The following PDE1C variants were observed in gnomAD, a reference collection of about 807,000 sequenced individuals.
PDE1C encodes the protein dual specificity calcium/calmodulin-dependent 3',5'-cyclic nucleotide phosphodiesterase 1C.
PDE1C carries 62 observed loss-of-function variants against 93.1 expected under a neutral mutation model. The ratio of observed to expected loss-of-function variants is 0.67; its 90% CI spans 0.54 to 0.82. The LOEUF (loss-of-function observed/expected upper bound fraction) is 0.82. Ranked by LOEUF, PDE1C falls within the 40% of genes least tolerant of loss-of-function variation. PDE1C has a pLI of 0.00. For synonymous variants in PDE1C, 325 were observed against 310.1 expected, an observed-to-expected ratio of 1.05 and a Z score of -0.50; for missense variants, 742 against 884.6, an observed-to-expected ratio of 0.84 and a Z score of 2.04.
chr7:32,008,471 G>A (rs1448974849), intron 2 of PDE1C, among the ~76,000 whole-genome samples: 2 of 152,152 alleles, frequency 1.3e-5, no homozygotes, highest in Non-Finnish European at 2.9e-5. Flanking sequence ...TCGAGTACAA[G>A]TGCACCTGCC....
At chr7:31,624,268 C>A in the PDE1C span, among the ~76,000 whole-genome samples, 5 of 144,966 alleles carry the variant, frequency 3.4e-5, no homozygotes, top group African/African-American at 1.3e-4. Flanking sequence ...TTGGAAAAAA[C>A]TACTTTAAAG....
intron 1 of PDE1C, among the ~76,000 whole-genome samples, chr7:32,309,184 A>G (rs1362052402): frequency 6.6e-6 from 1 of 152,248 alleles, no homozygotes; most frequent in Non-Finnish European, 1.5e-5. Context: ...TGAAGCAAGA[A>G]GGGAAGTTTA....
chr7:31,979,916 G>A lies in PDE1C; in HGVS notation c.128+71638C>T, dbSNP rs576792663. Among the ~76,000 whole-genome samples, 3 of 152,304 alleles carry A rather than the reference G, an allele frequency of 2.0e-5. No individual in the cohort carries two copies. The South Asian group carries it at 6.2e-4, about 32-fold the overall frequency. Reference sequence around the variant, plus strand: ...AGTACCAACACTCTTCAGATCATGAGACCTCAAAATACTCATTTTATCCTG... The same window carrying A: ...AGTACCAACACTCTTCAGATCATGAAACCTCAAAATACTCATTTTATCCTG... On this transcript the variant is annotated intron_variant, in intron 2 of 17. Coordinates refer to ENST00000396191, the MANE Select transcript of PDE1C (RefSeq NM_001191057.4).
At chr7:32,313,454 G>A (rs540552185) in intron 1 of PDE1C, among the ~76,000 whole-genome samples, 78 of 151,964 alleles carry the variant, frequency 5.1e-4, no homozygotes, top group Non-Finnish European at 9.6e-4. Flanking sequence ...ACATGCACAC[G>A]TATGTTTATT....
chr7:32,088,281 C>CT (rs977306411), intron 3 of PDE1C, among the ~76,000 whole-genome samples: 2 of 152,100 alleles, frequency 1.3e-5, no homozygotes, highest in East Asian at 3.9e-4. Flanking sequence ...AGTGATTGGA[C>CT]TTTTTTTTAA....
At chr7:32,010,713 G>C (rs1786965254) in intron 2 of PDE1C, among the ~76,000 whole-genome samples, 1 of 152,194 alleles carries the variant, frequency 6.6e-6, no homozygotes, top group Admixed American at 6.5e-5. Flanking sequence ...CCTTCTGAGG[G>C]CAGTGAAGGA....
chr7:32,419,095 T>C (rs1259627602), intron 1 of PDE1C, among the ~76,000 whole-genome samples: 2 of 152,158 alleles, frequency 1.3e-5, no homozygotes, highest in Non-Finnish European at 2.9e-5. Flanking sequence ...AAATTAATAA[T>C]TGGTTAAAAT....
At chr7:32,231,689 T>C (rs1379769665) in intron 1 of PDE1C, among the ~76,000 whole-genome samples, 1 of 151,976 alleles carries the variant, frequency 6.6e-6, no homozygotes, top group Non-Finnish European at 1.5e-5. Context: ...GAAAGAAAAA[T>C]TGTAGATCAA....
chr7:32,291,611 G>A (rs1260879287), intron 1 of PDE1C, among the ~76,000 whole-genome samples: 1 of 152,240 alleles, frequency 6.6e-6, no homozygotes, highest in Non-Finnish European at 1.5e-5. Context: ...ACTGTACAAT[G>A]CTGTATACAC....
At chr7:32,312,735 C>A (rs1783077917) in intron 1 of PDE1C, among the ~76,000 whole-genome samples, 1 of 152,212 alleles carries the variant, frequency 6.6e-6, no homozygotes, top group Non-Finnish European at 1.5e-5. Context: ...CTTCCTTACA[C>A]CTTACACAAA....
chr7:32,098,225 GTC>G, intron 3 of PDE1C, among the ~76,000 whole-genome samples: 1 of 17,796 alleles, frequency 5.6e-5, no homozygotes. Flanking sequence ...GCGAGACTCC[GTC>G]TCAAAAAAAA....
chr7:31,737,381 CTG>C, the PDE1C span, among the ~76,000 whole-genome samples: 2 of 152,188 alleles, frequency 1.3e-5, no homozygotes, highest in Non-Finnish European at 2.9e-5. Context: ...TACAATAAAA[CTG>C]TTTCTTTTGA....
At chr7:32,139,969 T>C (rs976666376) in intron 3 of PDE1C, among the ~76,000 whole-genome samples, 1 of 152,130 alleles carries the variant, frequency 6.6e-6, no homozygotes, top group Non-Finnish European at 1.5e-5. Flanking sequence ...AACCTGGGCA[T>C]TGGATGACAA....
chr7:31,987,813 C>T lies in PDE1C; in HGVS notation c.128+63741G>A, dbSNP rs554499146. On this transcript the variant is annotated intron_variant, in intron 2 of 17. Coordinates refer to ENST00000396191, the MANE Select transcript of PDE1C (RefSeq NM_001191057.4). ...CTGTCTTTTGCTGAATTCTCTGGTG[C>T]GGAAAACTGTAATGAACTTTCAGTA... 9.2e-5 allele frequency among the ~76,000 whole-genome samples: 14 copies of T among 152,132 alleles called. 1 individual carries two copies. Among genetic ancestry groups the T allele is most frequent in the Middle Eastern group, 6.3e-3 (2 of 316 alleles).
chr7:31,920,488 G>A (rs56318816), intron 2 of PDE1C, among the ~76,000 whole-genome samples: 54,019 of 151,562 alleles, frequency 0.36, 10,727 homozygotes, highest in Non-Finnish European at 0.44. Context: ...GAACTCTCCT[G>A]AGATAGTAAA....
intron 2 of PDE1C, among the ~76,000 whole-genome samples, chr7:31,965,098 G>A (rs2129039109): frequency 6.6e-6 from 1 of 152,326 alleles, no homozygotes; most frequent in South Asian, 2.1e-4. Flanking sequence ...ACGGAACAAT[G>A]CTGGACGGAG....
intron 6 of PDE1C, among the ~76,000 whole-genome samples, chr7:31,869,514 A>G (rs1377185953): frequency 1.3e-5 from 2 of 152,096 alleles, no homozygotes; most frequent in Non-Finnish European, 2.9e-5. Flanking sequence ...AAAATGGTAA[A>G]AAGAGACAAA....
At chr7:31,939,737 G>T (rs1584086119) in intron 2 of PDE1C, among the ~76,000 whole-genome samples, 3 of 152,110 alleles carry the variant, frequency 2.0e-5, no homozygotes, top group Non-Finnish European at 4.4e-5. Flanking sequence ...AATGAATTAT[G>T]ATAGAAACTG....
intron 1 of PDE1C, among the ~76,000 whole-genome samples, chr7:32,316,257 T>G (rs1212312344): frequency 6.6e-6 from 1 of 152,216 alleles, no homozygotes; most frequent in Non-Finnish European, 1.5e-5. Flanking sequence ...GGAAATTACA[T>G]GTCAACTTTC....
Sources: allele counts gnomAD v4.1 joint callset (sites outside exome capture counted in the v4.1 genomes callset), GRCh38; gene constraint gnomAD v4.1.1; transcripts MANE v1.5; gene names NCBI Gene and HGNC (gene_info 2026-07-23, HGNC 2026-07-21).